Variants in PDZD4 observed in about 807,000 individuals in gnomAD.
PDZD4 encodes PDZ domain-containing protein 4.
PDZD4 carries 9 observed loss-of-function variants against 38.5 expected under a neutral mutation model. The observed-to-expected ratio is 0.23, with a 90% confidence interval of 0.14 to 0.41. The LOEUF is 0.41. Among genes scored for constraint, PDZD4 ranks in the 10% least tolerant of loss-of-function variants. The pLI, the probability that PDZD4 is intolerant of heterozygous loss-of-function variation, is 1.00. For missense variants in PDZD4, 612 were observed against 722.0 expected (o/e 0.85, Z 1.75); for synonymous variants, 349 against 315.7 (o/e 1.11, Z -1.12).
At position 153,808,383 on chromosome X, in the gene PDZD4, G is replaced by A. The variant is rs1221865310; in HGVS notation, c.273C>T (p.Thr91=). The A allele has an allele frequency of 5.0e-6, 6 of 1,209,763 alleles. No homozygotes were observed. Among genetic ancestry groups the A allele is most frequent in the Non-Finnish European group, 6.7e-6 (6 of 895,026 alleles). ...IMALGKLRPP[T]PPMVILEPYV... Reference sequence around the variant, plus strand: ...ACGGCTCCAGGATGACCATGGGCGGGGTGGGCGGACGCAGCTTGCCCAGCG... The same window carrying A: ...ACGGCTCCAGGATGACCATGGGCGGAGTGGGCGGACGCAGCTTGCCCAGCG... The change falls in exon 2 of 8, where the codon ACC becomes ACT. Residue 91 remains threonine, a synonymous_variant. Coordinates refer to ENST00000393758, the MANE Select transcript of PDZD4 (RefSeq NM_001303512.2).
intron 1 of PDZD4, among the ~76,000 whole-genome samples, chrX:153,820,042 C>CT (rs1379166482): frequency 5.4e-5 from 6 of 111,754 alleles, no homozygotes; most frequent in Non-Finnish European, 9.4e-5. Context: ...ACCCTTATAG[C>CT]TTTTTTTAAA....
Position 153,830,393 on chromosome X carries a change from G to A in PDZD4, c.-95C>T. 3 of 825,223 alleles carry A rather than the reference G, an allele frequency of 3.6e-6. No homozygotes were observed. Among genetic ancestry groups the A allele is most frequent in the East Asian group, 7.0e-5 (2 of 28,757 alleles). The allele number at this position is 825,223 out of a possible 1,213,427, so 68.0% of individuals were successfully genotyped here. A position where few individuals can be genotyped will look rare whatever the true frequency, so the allele number is the denominator to read the frequency against. ...CCTCGGGTCCCGGGCCGGGGCCAGG[G>A]GCCATACCCTGGCGCGGGGGGCGGG... is the stretch of plus-strand genomic sequence containing the variant. On this transcript the variant is annotated 5_prime_UTR_variant, in exon 1 of 8. Coordinates refer to ENST00000393758, the MANE Select transcript of PDZD4 (RefSeq NM_001303512.2).
Position 153,815,099 on chromosome X carries a change from C to G in PDZD4, c.61-6504G>C, listed in dbSNP as rs781883950. 1.4e-3 allele frequency among the ~76,000 whole-genome samples: 158 copies of G among 113,206 alleles called. 1 individual carries two copies. The highest frequency in any genetic ancestry group is 1.7e-3 in the Non-Finnish European group (91 of 53,362). On this transcript the variant is annotated intron_variant, in intron 1 of 7. Transcript: ENST00000393758. ...CACCACGGCTCAGCCAGGGGCTTGA[C>G]GTGCCCCATGGCGACTCTTCAGCAC...
rs375210794 is a variant in PDZD4 at position 153,826,194 on chromosome X, G to C, written c.60+4045C>G. On this transcript the variant is annotated intron_variant, in intron 1 of 7. Transcript: ENST00000393758. ...ATTGCACCACTGCACTCCAGTCTGG[G>C]TGACAAAGTGAGACTGTGTCTCAAA... Among the ~76,000 whole-genome samples, 6 of 98,353 alleles carry C rather than the reference G, an allele frequency of 6.1e-5. No individual in the cohort carries two copies. The East Asian group carries it at 1.6e-3, about 26-fold the overall frequency. The allele number at this position is 98,353 out of a possible 115,157, so 85.4% of individuals were successfully genotyped here. A position where few individuals can be genotyped will look rare whatever the true frequency, so the allele number is the denominator to read the frequency against.
At chrX:153,813,428 CACCAGGAGG>C (rs1183462015) in intron 1 of PDZD4, among the ~76,000 whole-genome samples, 8 of 112,256 alleles carry the variant, frequency 7.1e-5, no homozygotes, top group Non-Finnish European at 1.9e-5. Flanking sequence ...TCAGAACCAC[CACCAGGAGG>C]ACCAGGAGGA....
At chrX:153,820,349 C>CAAAAAAAAA (rs140401659) in intron 1 of PDZD4, among the ~76,000 whole-genome samples, 1 of 18,235 alleles carries the variant, frequency 5.5e-5, no homozygotes, top group African/African-American at 2.9e-4. Context: ...GACTCCATCT[C>CAAAAAAAAA]AAAAAAAAAA....
chrX:153,827,904 A>G (rs1310063266), intron 1 of PDZD4, among the ~76,000 whole-genome samples: 11 of 112,081 alleles, frequency 9.8e-5, no homozygotes, highest in Admixed American at 9.4e-4. Context: ...CATTGGCAGA[A>G]AATGGCTTGG....
chrX:153,813,981 T>G (rs1557079276), intron 1 of PDZD4, among the ~76,000 whole-genome samples: 1 of 111,994 alleles, frequency 8.9e-6, no homozygotes, highest in East Asian at 2.8e-4. Context: ...TTTCTGTAAT[T>G]TGTTGAATAT....
chrX:153,818,662 C>A (rs1367438545), intron 1 of PDZD4, among the ~76,000 whole-genome samples: 6 of 103,142 alleles, frequency 5.8e-5, no homozygotes, highest in African/African-American at 1.8e-4. Context: ...GAGGGGAGGG[C>A]GAAGGTGGGG....
intron 4 of PDZD4, 92 bp from the exon 5 acceptor site, chrX:153,806,225 TG>T: frequency 1.1e-6 from 1 of 915,869 alleles, no homozygotes; most frequent in South Asian, 2.0e-5. Context: ...CAAAGCAAGC[TG>T]AAGGCTCTCT....
chrX:153,815,869 C>A (rs1233788949), intron 1 of PDZD4, among the ~76,000 whole-genome samples: 1 of 99,998 alleles, frequency 1.0e-5, no homozygotes, highest in Non-Finnish European at 2.0e-5. Flanking sequence ...CACAGCGCAG[C>A]CCCTCTGCAC....
rs2064504542 is a variant in PDZD4 at position 153,828,447 on chromosome X, GTGGCCCTCCTCC to G, written c.60+1780_60+1791del. Among the ~76,000 whole-genome samples, 3 of 113,075 alleles carry G rather than the reference GTGGCCCTCCTCC, an allele frequency of 2.7e-5. No individual in the cohort carries two copies. The Admixed American group carries it at 2.8e-4, about 11-fold the overall frequency. On this transcript the variant is annotated intron_variant, in intron 1 of 7. Coordinates refer to ENST00000393758, the MANE Select transcript of PDZD4 (RefSeq NM_001303512.2). Reference sequence around the variant, plus strand: ...AAGCGCACAGAGGGCGCATGCGGCAGTGGCCCTCCTCCTGGCGGGTCTCCTTGGGGTGGGCAA... The same window carrying G: ...AAGCGCACAGAGGGCGCATGCGGCAGTGGCGGGTCTCCTTGGGGTGGGCAA...
In PDZD4 at chrX:153,811,535, T is replaced by C. The variant is rs142486023; in HGVS notation, c.61-2940A>G. The stretch of plus-strand genomic sequence containing the variant: ...ACACCAACACACCAGTGGACCATCA[T>C]GTTCATCATCACATCAGTAAGGGTG... On this transcript the variant is annotated intron_variant, in intron 1 of 7. Coordinates refer to ENST00000393758, the MANE Select transcript of PDZD4 (RefSeq NM_001303512.2). Among the ~76,000 whole-genome samples the C allele has an allele frequency of 1.0e-3, 114 of 112,473 alleles. 1 individual carries two copies. Among genetic ancestry groups the C allele is most frequent in the Non-Finnish European group, 1.6e-3 (84 of 53,301 alleles).
At position 153,803,562 on chromosome X, in the gene PDZD4, T is replaced by G; in HGVS notation, c.2119A>C (p.Ser707Arg). 1.7e-6 allele frequency: 2 copies of G among 1,210,253 alleles called. No individual in the cohort carries two copies. Residue 707 changes from serine (S) to arginine (R), a missense_variant, in exon 8 of 8, where the codon AGC (serine) becomes CGC (arginine). Coordinates refer to ENST00000393758, the MANE Select transcript of PDZD4 (RefSeq NM_001303512.2). ...QRKRREFMMQSRLECLREQQN... is the reference protein window; with the variant it reads ...QRKRREFMMQRRLECLREQQN... ...TGCTCCCGCAGGCACTCCAGCCGGCTCTGCATCATGAACTCGCGCCGCTTC... is the reference window on the plus strand; with the variant it reads ...TGCTCCCGCAGGCACTCCAGCCGGCGCTGCATCATGAACTCGCGCCGCTTC...
At chrX:153,823,917 C>G (rs2064453605) in intron 1 of PDZD4, among the ~76,000 whole-genome samples, 2 of 112,272 alleles carry the variant, frequency 1.8e-5, no homozygotes, top group African/African-American at 3.2e-5. Context: ...TGGCAGGGCC[C>G]CTGAAGTAGA....
chrX:153,809,315 G>A (rs375484187), intron 1 of PDZD4, among the ~76,000 whole-genome samples: 3 of 112,894 alleles, frequency 2.7e-5, no homozygotes, highest in South Asian at 3.6e-4. Flanking sequence ...GGCCGGGTGC[G>A]GTGGCTCACG....
At chrX:153,819,813 C>T (rs1458023025) in intron 1 of PDZD4, among the ~76,000 whole-genome samples, 2 of 111,902 alleles carry the variant, frequency 1.8e-5, no homozygotes, top group African/African-American at 6.5e-5. Context: ...ATTCATGTTT[C>T]CCCAGCTCGG....
intron 5 of PDZD4, 51 bp downstream of exon 5, chrX:153,806,020 C>T (rs782559104): frequency 6.2e-5 from 73 of 1,185,222 alleles, no homozygotes; most frequent in Non-Finnish European, 7.6e-5. Flanking sequence ...GTGGCTGGGC[C>T]GACGGGCACA....
intron 2 of PDZD4, chrX:153,808,014 C>T: frequency 9.7e-7 from 1 of 1,031,373 alleles, no homozygotes. Flanking sequence ...ACAAGGGATG[C>T]AAGAAGATTC....
Sources: gnomAD v4.1 joint callset for allele counts (sites outside exome capture counted in the v4.1 genomes callset) on GRCh38, gnomAD v4.1.1 for gene constraint, MANE v1.5 for transcripts, NCBI Gene and HGNC (gene_info 2026-07-23, HGNC 2026-07-21) for gene names.